IQCJ: variants seen among roughly 807,000 people sequenced by gnomAD.
The protein encoded by IQCJ is IQ domain-containing protein J.
In IQCJ, 9 loss-of-function variants were observed where a neutral mutation model predicts 11.0. The ratio of observed to expected loss-of-function variants is 0.82; its 90% confidence interval spans 0.49 to 1.43. The LOEUF (loss-of-function observed/expected upper bound fraction) is 1.43, where lower values mean the gene tolerates loss of function less well. Ranked by LOEUF, IQCJ falls within the 40% of genes most tolerant of loss-of-function variation. The probability of loss-of-function intolerance (pLI) is 0.00; values close to 1 mark genes in which losing one functional copy is unlikely to be tolerated. For synonymous variants in IQCJ, 55 were observed against 51.3 expected, an observed-to-expected ratio of 1.07 and a Z score of -0.31; for missense variants, 146 against 133.2, an observed-to-expected ratio of 1.10 and a Z score of -0.47.
At chr3:159,253,554 T>A (rs75633793) in intron 3 of IQCJ, among the ~76,000 whole-genome samples, 1 of 151,906 alleles carries the variant, frequency 6.6e-6, no homozygotes, top group East Asian at 1.9e-4. Flanking sequence ...CAGAAGCATA[T>A]ATGAGAAATG....
intron 1 of IQCJ, among the ~76,000 whole-genome samples, chr3:159,244,136 A>G (rs1404274686): frequency 6.6e-6 from 1 of 152,212 alleles, no homozygotes; most frequent in Non-Finnish European, 1.5e-5. Context: ...CTTGTCAGAC[A>G]TGTACATGGA....
chr3:159,178,729 C>A (rs1300054590), intron 1 of IQCJ, among the ~76,000 whole-genome samples: 4 of 152,116 alleles, frequency 2.6e-5, no homozygotes, highest in African/African-American at 9.7e-5. Flanking sequence ...CTTTAGAGTA[C>A]ATTAACCCTC....
At chr3:159,202,934 G>A (rs1724437224) in intron 1 of IQCJ, among the ~76,000 whole-genome samples, 1 of 152,152 alleles carries the variant, frequency 6.6e-6, no homozygotes, top group African/African-American at 2.4e-5. Flanking sequence ...TTTCAGCTCA[G>A]TGATCACAGC....
chr3:159,189,891 C>T (rs547729124), intron 1 of IQCJ, among the ~76,000 whole-genome samples: 1 of 152,320 alleles, frequency 6.6e-6, no homozygotes, highest in East Asian at 1.9e-4. Context: ...ATTCTGATCT[C>T]TCCCTCCTCA....
At position 159,132,973 on chromosome 3, in the gene IQCJ, A is replaced by T. The variant is rs141976693; in HGVS notation, c.9+63532A>T. The stretch of plus-strand genomic sequence containing the variant: ...TTCTTCCTTTCTTTGTTTTGAGCCA[A>T]CAAGCTCTGAGAACTATAATATTTG... On this transcript the variant is annotated intron_variant, in intron 1 of 3. Transcript: ENST00000397832. 1.3e-3 allele frequency among the ~76,000 whole-genome samples: 194 copies of T among 151,658 alleles called. No individual in the cohort carries two copies. The East Asian group carries it at 0.026, about 21-fold the overall frequency.
chr3:159,145,691 T>C (rs1720891575), intron 1 of IQCJ, among the ~76,000 whole-genome samples: 1 of 152,198 alleles, frequency 6.6e-6, no homozygotes, highest in African/African-American at 2.4e-5. Flanking sequence ...TCCAACTTTC[T>C]GTCCATTCTT....
At chr3:159,083,551 C>T (rs1345644727) in intron 1 of IQCJ, among the ~76,000 whole-genome samples, 1 of 152,112 alleles carries the variant, frequency 6.6e-6, no homozygotes, top group Non-Finnish European at 1.5e-5. Flanking sequence ...TAAAATATGG[C>T]AATTTCTTAC....
In IQCJ at chr3:159,183,524, C is replaced by T. The variant is rs528200444; in HGVS notation, c.10-62319C>T. ...CCCCATTTTGTTTTTCCAGACAAGA[C>T]CTCTCTTAGCTCCAGACTCTCACAG... is the stretch of plus-strand genomic sequence containing the variant. On this transcript the variant is annotated intron_variant, in intron 1 of 3. Coordinates refer to ENST00000397832, the MANE Select transcript of IQCJ (RefSeq NM_001042706.3). Among the ~76,000 whole-genome samples the T allele has an allele frequency of 2.0e-5, 3 of 152,286 alleles. No homozygotes were observed. In the South Asian group the frequency reaches 6.2e-4, roughly 32 times the overall value.
At chr3:159,173,341 A>C (rs1053020005) in intron 1 of IQCJ, among the ~76,000 whole-genome samples, 1 of 152,196 alleles carries the variant, frequency 6.6e-6, no homozygotes, top group Non-Finnish European at 1.5e-5. Context: ...CTTGGAACTC[A>C]GATGGTTTTT....
At chr3:159,153,178 G>A (rs1021447990) in intron 1 of IQCJ, among the ~76,000 whole-genome samples, 3 of 152,138 alleles carry the variant, frequency 2.0e-5, no homozygotes, top group Non-Finnish European at 4.4e-5. Context: ...TAAAAATTAT[G>A]TAGAATTATA....
chr3:159,200,170 GGCACTACTACTT>G (rs202053215), intron 1 of IQCJ, among the ~76,000 whole-genome samples: 1,508 of 145,298 alleles, frequency 0.01, 15 homozygotes, highest in Middle Eastern at 0.05. Context: ...AGTATAAGCT[GGCACTACTACTT>G]GCCACGTTGA....
At chr3:159,217,857 C>T (rs550101585) in intron 1 of IQCJ, among the ~76,000 whole-genome samples, 6 of 152,092 alleles carry the variant, frequency 3.9e-5, no homozygotes, top group Non-Finnish European at 7.4e-5. Context: ...CCTATGGGCT[C>T]GCAGAGCCTG....
chr3:159,203,581 C>T (rs916754558), intron 1 of IQCJ, among the ~76,000 whole-genome samples: 1 of 152,012 alleles, frequency 6.6e-6, no homozygotes, highest in Non-Finnish European at 1.5e-5. Context: ...CTCATAGTCT[C>T]CACAAGGCAC....
intron 1 of IQCJ, among the ~76,000 whole-genome samples, chr3:159,168,671 C>T (rs1722309519): frequency 6.6e-6 from 1 of 152,036 alleles, no homozygotes; most frequent in Non-Finnish European, 1.5e-5. Context: ...TGTCTACCCC[C>T]CATTGTTAAT....
At chr3:159,171,155 A>C (rs547356275) in intron 1 of IQCJ, among the ~76,000 whole-genome samples, 5 of 152,186 alleles carry the variant, frequency 3.3e-5, no homozygotes, top group African/African-American at 7.2e-5. Flanking sequence ...TAAAAAAAAA[A>C]ACAAAACCAG....
chr3:159,149,259 T>C (rs1439235040), intron 1 of IQCJ, among the ~76,000 whole-genome samples: 1 of 152,216 alleles, frequency 6.6e-6, no homozygotes. Context: ...CAGTGTTCAA[T>C]GTGAACCAGG....
intron 1 of IQCJ, among the ~76,000 whole-genome samples, chr3:159,207,804 A>G (rs1318464752): frequency 1.3e-5 from 2 of 152,220 alleles, no homozygotes; most frequent in Non-Finnish European, 2.9e-5. Context: ...TGGGAGGGGT[A>G]ATAACGAACT....
intron 1 of IQCJ, among the ~76,000 whole-genome samples, chr3:159,156,853 A>G (rs1046318087): frequency 1.3e-5 from 2 of 152,202 alleles, no homozygotes; most frequent in Admixed American, 6.5e-5. Context: ...AGCCTATCCA[A>G]TGATTAATAA....
At chr3:159,156,316 C>T (rs1161330620) in intron 1 of IQCJ, among the ~76,000 whole-genome samples, 1 of 152,142 alleles carries the variant, frequency 6.6e-6, no homozygotes, top group African/African-American at 2.4e-5. Flanking sequence ...CAAGAGATAA[C>T]TAGGAAGACT....
Sources: gnomAD v4.1 joint callset for allele counts (sites outside exome capture counted in the v4.1 genomes callset) on GRCh38, gnomAD v4.1.1 for gene constraint, MANE v1.5 for transcripts, NCBI Gene and HGNC (gene_info 2026-07-23, HGNC 2026-07-21) for gene names.